UBE2E3: variants seen among roughly 807,000 people sequenced by gnomAD.
UBE2E3 encodes the protein ubiquitin-conjugating enzyme E2 E3.
A neutral mutation model predicts 23.6 loss-of-function variants in UBE2E3; 5 were observed. The observed-to-expected ratio is 0.21, with a 90% confidence interval of 0.11 to 0.44. The LOEUF (loss-of-function observed/expected upper bound fraction) is 0.44, where lower values mean the gene tolerates loss of function less well. Ranked by LOEUF, UBE2E3 falls within the 20% of genes least tolerant of loss-of-function variation. UBE2E3 has a pLI of 0.99. For missense variants in UBE2E3, 81 were observed against 249.8 expected (o/e 0.32, Z 4.55); for synonymous variants, 78 against 87.5 (o/e 0.89, Z 0.60).
chr2:181,011,430 G>A (rs1417121119), intron 3 of UBE2E3, among the ~76,000 whole-genome samples: 1 of 152,044 alleles, frequency 6.6e-6, no homozygotes, highest in Non-Finnish European at 1.5e-5. Flanking sequence ...AGCTCCCGCA[G>A]CCCAGTTACC....
At chr2:181,055,981 TG>T (rs796742541) in intron 3 of UBE2E3, among the ~76,000 whole-genome samples, 62 of 151,638 alleles carry the variant, frequency 4.1e-4, no homozygotes, top group African/African-American at 1.4e-3. Flanking sequence ...ACTCAGATCT[TG>T]GTTTTTCTTA....
At position 180,982,354 on chromosome 2, in the gene UBE2E3, T is replaced by G. The variant is rs541976261; in HGVS notation, c.194+118T>G. The stretch of plus-strand genomic sequence containing the variant: ...CAGAAATATTTACTTCATTATCAGT[T>G]TAATTGTACTTGAATGAGTTGTCAT... On this transcript the variant is annotated intron_variant, in intron 2 of 5. Transcript: ENST00000410062. The G allele has an allele frequency of 3.3e-6, 3 of 897,440 alleles. No homozygotes were observed. The African/African-American group carries it at 5.0e-5, about 15-fold the overall frequency. The allele number at this position is 897,440 out of a possible 1,614,324, so 55.6% of individuals were successfully genotyped here. A position where few individuals can be genotyped will look rare whatever the true frequency, so the allele number is the denominator to read the frequency against.
chr2:181,009,965 GTGTATT>G (rs1170775833), intron 3 of UBE2E3, among the ~76,000 whole-genome samples: 2 of 151,794 alleles, frequency 1.3e-5, no homozygotes, highest in Non-Finnish European at 2.9e-5. Context: ...TTCTTCTCAA[GTGTATT>G]TGTATTTTGA....
At chr2:181,024,609 ATC>A (rs1253712803) in intron 3 of UBE2E3, among the ~76,000 whole-genome samples, 1 of 152,096 alleles carries the variant, frequency 6.6e-6, no homozygotes, top group Non-Finnish European at 1.5e-5. Context: ...GTAGATATGA[ATC>A]TGTTACAGTA....
chr2:181,020,244 CTTCCT>C (rs1315770920), intron 3 of UBE2E3, among the ~76,000 whole-genome samples: 1 of 152,108 alleles, frequency 6.6e-6, no homozygotes, highest in African/African-American at 2.4e-5. Flanking sequence ...GGGGAGCATC[CTTCCT>C]TGCCTCTATT....
chr2:181,028,466 A>C (rs1043339183), intron 3 of UBE2E3, among the ~76,000 whole-genome samples: 1 of 152,136 alleles, frequency 6.6e-6, no homozygotes, highest in Non-Finnish European at 1.5e-5. Context: ...TGCATATTCA[A>C]CCATGCAAGA....
intron 4 of UBE2E3, 83 bp from the exon 5 acceptor site, chr2:181,060,582 A>G: frequency 7.8e-7 from 1 of 1,280,536 alleles, no homozygotes; most frequent in Non-Finnish European, 1.1e-6. Context: ...CATCTATGAT[A>G]TATTACCCTT....
intron 4 of UBE2E3, among the ~76,000 whole-genome samples, chr2:181,058,665 C>G (rs1687050300): frequency 6.6e-6 from 1 of 151,686 alleles, no homozygotes; most frequent in Admixed American, 6.6e-5. Context: ...GACTTTTGTT[C>G]TCTGTACTTT....
At chr2:181,032,706 T>A (rs1005808503) in intron 3 of UBE2E3, among the ~76,000 whole-genome samples, 2 of 152,200 alleles carry the variant, frequency 1.3e-5, no homozygotes, top group African/African-American at 4.8e-5. Context: ...AATGTAATTA[T>A]TAAATATGCC....
intron 5 of UBE2E3, among the ~76,000 whole-genome samples, chr2:181,062,269 C>T (rs1687180423): frequency 6.6e-6 from 1 of 151,508 alleles, no homozygotes. Flanking sequence ...AAATTTATAT[C>T]AGGTTCACTC....
chr2:181,033,236 A>G (rs1175139790), intron 3 of UBE2E3, among the ~76,000 whole-genome samples: 1 of 152,220 alleles, frequency 6.6e-6, no homozygotes, highest in Non-Finnish European at 1.5e-5. Flanking sequence ...ATCCTAAGCC[A>G]AAAGAGCAAA....
intron 4 of UBE2E3, among the ~76,000 whole-genome samples, chr2:181,058,461 T>C (rs567405792): frequency 6.6e-6 from 1 of 151,782 alleles, no homozygotes; most frequent in South Asian, 2.1e-4. Context: ...AGCTTAAATA[T>C]AACAATTACT....
At chr2:181,015,608 G>A (rs542933339) in intron 3 of UBE2E3, among the ~76,000 whole-genome samples, 35 of 152,224 alleles carry the variant, frequency 2.3e-4, no homozygotes, top group Middle Eastern at 3.4e-3. Flanking sequence ...AAGGTAAGAT[G>A]ATTTTTTACT....
chr2:180,987,267 T>G, intron 3 of UBE2E3: 2 of 1,497,670 alleles, frequency 1.3e-6, no homozygotes, highest in Non-Finnish European at 1.8e-6. Flanking sequence ...TATTTGTATT[T>G]ATTGAGAATT....
intron 4 of UBE2E3, 144 bp from the exon 5 acceptor site, chr2:181,060,521 T>C (rs1687115560): frequency 2.1e-6 from 2 of 932,078 alleles, no homozygotes. Context: ...AAGCATTTAA[T>C]TTTGTTATTA....
chr2:181,052,109 A>C (rs1330831585), intron 3 of UBE2E3, among the ~76,000 whole-genome samples: 1 of 151,788 alleles, frequency 6.6e-6, no homozygotes, highest in African/African-American at 2.4e-5. Context: ...ATCTGAGTGA[A>C]TCTTATCTAG....
In UBE2E3 at chr2:181,000,534, G is replaced by A. The variant is rs1574168870; in HGVS notation, c.245+16441G>A. ...CCTGAGTTGTATAGTGTGGTGGCCA[G>A]GATTAGACCTTAAAGAATAACCTTT... On this transcript the variant is annotated intron_variant, in intron 3 of 5. Transcript: ENST00000410062. 4.0e-5 allele frequency among the ~76,000 whole-genome samples: 6 copies of A among 151,692 alleles called. No individual in the cohort carries two copies. In the South Asian group the frequency reaches 1.2e-3, roughly 32 times the overall value.
chr2:181,006,617 T>C (rs1685155554), intron 3 of UBE2E3, among the ~76,000 whole-genome samples: 1 of 152,150 alleles, frequency 6.6e-6, no homozygotes, highest in African/African-American at 2.4e-5. Flanking sequence ...CTGAGTAGTT[T>C]CTGTTTTTCT....
intron 3 of UBE2E3, among the ~76,000 whole-genome samples, chr2:181,055,844 C>T (rs1318657951): frequency 6.6e-6 from 1 of 151,558 alleles, no homozygotes; most frequent in South Asian, 2.1e-4. Context: ...GCGTATGAGT[C>T]GTCTTACCAA....
Sources: gnomAD v4.1 joint callset for allele counts (sites outside exome capture counted in the v4.1 genomes callset) on GRCh38, gnomAD v4.1.1 for gene constraint, MANE v1.5 for transcripts, NCBI Gene and HGNC (gene_info 2026-07-23, HGNC 2026-07-21) for gene names.